The following PKP2 variants were observed in gnomAD, a reference collection of about 807,000 sequenced individuals.
The protein encoded by PKP2 is plakophilin 2, also known as plakophilin-2.
A neutral mutation model predicts 83.4 loss-of-function variants in PKP2; 73 were observed. The observed-to-expected ratio is 0.88, with a 90% confidence interval of 0.72 to 1.06. The LOEUF is 1.06. PKP2 is among the 50% of genes least tolerant of loss of function. The pLI is 0.00. For missense variants in PKP2, 966 were observed against 1,065.4 expected, an observed-to-expected ratio of 0.91 and a Z score of 1.30; for synonymous variants, 409 against 430.4, an observed-to-expected ratio of 0.95 and a Z score of 0.62.
chr12:32,870,831 G>T lies in PKP2; in HGVS notation c.1035-1769C>A, dbSNP rs546274009. Among the ~76,000 whole-genome samples the T allele has an allele frequency of 3.3e-5, 5 of 152,122 alleles. No homozygotes were observed. In the South Asian group the frequency reaches 1.0e-3, roughly 32 times the overall value. On this transcript the variant is annotated intron_variant, in intron 3 of 12. Transcript: ENST00000340811. ...ATTTCATAAGCCATACATGACTCAG[G>T]AAAGTTTGAATTTCCCATCTCTAAC...
chr12:32,887,611 C>A (rs1335164458), intron 1 of PKP2, among the ~76,000 whole-genome samples: 1 of 152,242 alleles, frequency 6.6e-6, no homozygotes, highest in Non-Finnish European at 1.5e-5. Context: ...TGCCACCATG[C>A]TGACTAATTT....
chr12:32,799,629 T>C (rs546691688), intron 10 of PKP2, among the ~76,000 whole-genome samples: 1 of 152,326 alleles, frequency 6.6e-6, no homozygotes, highest in South Asian at 2.1e-4. Flanking sequence ...TAATGGCCTT[T>C]GCGGCAAATT....
intron 4 of PKP2, among the ~76,000 whole-genome samples, chr12:32,859,476 T>A (rs1956781189): frequency 6.6e-6 from 1 of 152,024 alleles, no homozygotes; most frequent in African/African-American, 2.4e-5. Context: ...TGTGTGTGTG[T>A]GACAGAGTCT....
intron 9 of PKP2, among the ~76,000 whole-genome samples, chr12:32,817,506 C>A (rs1160977815): frequency 1.3e-5 from 2 of 152,080 alleles, no homozygotes; most frequent in African/African-American, 4.8e-5. Flanking sequence ...TTTCTGGATA[C>A]CCACGTTTGT....
At chr12:32,851,080 C>T (rs1000515900) in intron 4 of PKP2, 107 bp from the exon 5 acceptor site, 13 of 883,844 alleles carry the variant, frequency 1.5e-5, no homozygotes, top group Non-Finnish European at 2.0e-5. Context: ...TATAACCTTT[C>T]TTCATCAACA....
At chr12:32,830,190 A>G (rs1415947859) in intron 6 of PKP2, among the ~76,000 whole-genome samples, 2 of 152,228 alleles carry the variant, frequency 1.3e-5, no homozygotes, top group Non-Finnish European at 2.9e-5. Flanking sequence ...ACATGGAAGC[A>G]TCCTTCTTCC....
chr12:32,878,074 C>T lies in PKP2; in HGVS notation c.806G>A (p.Gly269Glu), dbSNP rs1341619257. 6.2e-7 allele frequency: 1 copy of T among 1,614,100 alleles called. No individual in the cohort carries two copies. The highest frequency in any genetic ancestry group is 1.7e-5 in the Admixed American group (1 of 60,030). The change falls in exon 3 of 13, where the codon GGG becomes GAG. Residue 269 changes from glycine (G) to glutamate (E), a missense_variant. By Grantham distance (98) the Gly-to-Glu change is moderately conservative. Coordinates refer to ENST00000340811, the MANE Select transcript of PKP2 (RefSeq NM_001005242.3). Reference protein sequence around the residue: ...ENYLTAGLTVGQVRPLVPLQP... With the variant: ...ENYLTAGLTVEQVRPLVPLQP... Reference sequence around the variant, plus strand: ...CAGGGGCACCAGCGGCCTGACCTGCCCGACAGTGAGCCCTGCCGTCAGGTA... The same window carrying T: ...CAGGGGCACCAGCGGCCTGACCTGCTCGACAGTGAGCCCTGCCGTCAGGTA...
chr12:32,877,600 T>G (rs578176058), intron 3 of PKP2, among the ~76,000 whole-genome samples: 1 of 152,360 alleles, frequency 6.6e-6, no homozygotes, highest in South Asian at 2.1e-4. Flanking sequence ...GCATCTAATC[T>G]GGAACAGATG....
At chr12:32,846,780 T>TGTCAG (rs1376945156) in intron 5 of PKP2, among the ~76,000 whole-genome samples, 1 of 121,046 alleles carries the variant, frequency 8.3e-6, no homozygotes, top group African/African-American at 3.5e-5. Context: ...AGAGGAAGGG[T>TGTCAG]GTCAGAGGAG....
chr12:32,823,445 T>C (rs1198733821), intron 7 of PKP2, among the ~76,000 whole-genome samples: 1 of 142,716 alleles, frequency 7.0e-6, no homozygotes, highest in Non-Finnish European at 1.5e-5. Context: ...AAAAAAAGGA[T>C]TATAAAAAGA....
At chr12:32,881,773 G>T (rs974117925) in intron 1 of PKP2, among the ~76,000 whole-genome samples, 9 of 152,166 alleles carry the variant, frequency 5.9e-5, no homozygotes, top group African/African-American at 1.7e-4. Flanking sequence ...TCCTGCCTCA[G>T]CCTCTGTGAG....
intron 9 of PKP2, among the ~76,000 whole-genome samples, chr12:32,817,915 G>A (rs1347114114): frequency 1.3e-5 from 2 of 152,158 alleles, no homozygotes; most frequent in African/African-American, 2.4e-5. Context: ...TGTCAGATCC[G>A]CAGTGACATT....
At chr12:32,878,839 C>T (rs1402437787) in intron 2 of PKP2, 81 bp downstream of exon 2, 1 of 869,076 alleles carries the variant, frequency 1.2e-6, no homozygotes, top group African/African-American at 1.7e-5. Context: ...AAAGTAAACA[C>T]TCAAAAATAA....
intron 12 of PKP2, 25 bp downstream of exon 12, chr12:32,792,619 A>G (rs762026913): frequency 1.3e-6 from 2 of 1,599,006 alleles, no homozygotes; most frequent in Non-Finnish European, 1.7e-6. Flanking sequence ...GTTAACTATG[A>G]CACATTCCTT....
intron 1 of PKP2, among the ~76,000 whole-genome samples, chr12:32,879,612 C>T (rs1956967404): frequency 2.0e-5 from 3 of 150,502 alleles, no homozygotes; most frequent in Non-Finnish European, 3.0e-5. Context: ...GTGGATCACC[C>T]GAGGTCAGGC....
At chr12:32,869,524 A>C (rs1279728009) in intron 3 of PKP2, among the ~76,000 whole-genome samples, 1 of 151,406 alleles carries the variant, frequency 6.6e-6, no homozygotes, top group African/African-American at 2.4e-5. Flanking sequence ...ACTTGAACCC[A>C]GGAGGTGGAG....
intron 1 of PKP2, among the ~76,000 whole-genome samples, chr12:32,895,854 G>A (rs1469362198): frequency 1.3e-5 from 2 of 152,202 alleles, no homozygotes; most frequent in Non-Finnish European, 2.9e-5. Flanking sequence ...AGGCGGGCAC[G>A]GCTGTTGCCG....
At chr12:32,806,888 G>A (rs1388360751) in intron 9 of PKP2, among the ~76,000 whole-genome samples, 1 of 152,102 alleles carries the variant, frequency 6.6e-6, no homozygotes, top group Non-Finnish European at 1.5e-5. Context: ...GTGTCCCAGA[G>A]ATTCTGGTAC....
Position 32,796,255 on chromosome 12 carries a change from T to C in PKP2, c.2211A>G (p.Thr737=). The C allele has an allele frequency of 6.2e-7, 1 of 1,613,672 alleles. No homozygotes were observed. Among genetic ancestry groups the C allele is most frequent in the Non-Finnish European group, 8.5e-7 (1 of 1,179,906 alleles). Residue 737 remains threonine, a synonymous_variant, in exon 11 of 13, where the codon ACA becomes ACG. Transcript: ENST00000340811. The stretch of plus-strand genomic sequence containing the variant: ...CAATGAGAAGGTCAGTACTCGGGAC[T>C]GTGTCAGGAATGATGGAAACCAAAT... The part of the protein sequence containing the change: ...LPDLVSIIPD[T]VPSTDLLIET...
Sources: gnomAD v4.1 joint callset for allele counts (sites outside exome capture counted in the v4.1 genomes callset) on GRCh38, gnomAD v4.1.1 for gene constraint, MANE v1.5 for transcripts, NCBI Gene and HGNC (gene_info 2026-07-23, HGNC 2026-07-21) for gene names.